The following OVOL2 variants were observed in gnomAD, a reference collection of about 807,000 sequenced individuals.
OVOL2 encodes ovo like zinc finger 2, also known as transcription factor Ovo-like 2.
OVOL2 carries 13 observed loss-of-function variants against 18.1 expected under a neutral mutation model. The ratio of observed to expected loss-of-function variants is 0.72; its 90% CI spans 0.47 to 1.14. The LOEUF (loss-of-function observed/expected upper bound fraction) is 1.14, where lower values mean the gene tolerates loss of function less well. Ranked by LOEUF, OVOL2 falls within the 50% of genes most tolerant of loss-of-function variation. OVOL2 has a pLI of 0.00. For synonymous variants in OVOL2, 166 were observed against 162.7 expected (o/e 1.02, Z -0.16); for missense variants, 335 against 383.0 (o/e 0.87, Z 1.05).
At chr20:18,045,555 C>T (rs1807879104) in intron 2 of OVOL2, among the ~76,000 whole-genome samples, 1 of 152,130 alleles carries the variant, frequency 6.6e-6, no homozygotes, top group Admixed American at 6.6e-5. Flanking sequence ...TTGAAGGGCA[C>T]AGGGAAGGGA....
chr20:18,038,053 C>G (rs1311352082), intron 3 of OVOL2, among the ~76,000 whole-genome samples: 1 of 152,214 alleles, frequency 6.6e-6, no homozygotes, highest in African/African-American at 2.4e-5. Flanking sequence ...AGAAGCCCCC[C>G]TGACATGCAG....
Position 18,056,675 on chromosome 20 carries a change from G to C in OVOL2, c.303C>G (p.Val101=). The C allele has an allele frequency of 7.0e-7, 1 of 1,430,882 alleles. No individual in the cohort carries two copies. The highest frequency in any genetic ancestry group is 9.1e-7 in the Non-Finnish European group (1 of 1,095,832). 88.6% of individuals were successfully genotyped at this position (1,430,882 alleles called of 1,614,324 possible). A position where few individuals can be genotyped will look rare whatever the true frequency, so the allele number is the denominator to read the frequency against. Residue 101 remains valine, a synonymous_variant, in exon 2 of 4, where the codon GTC becomes GTG. Coordinates refer to ENST00000278780, the MANE Select transcript of OVOL2 (RefSeq NM_021220.4). This position sits in a 1 kb window ranked among gnomAD's most constrained non-coding sequence, Gnocchi z 4.2. Reference sequence around the variant, plus strand: ...ACAGTACCTTGATTTTCGATCTGGCGACCGGGCGCTGCTTGGTCGCCAGGT... The same window carrying C: ...ACAGTACCTTGATTTTCGATCTGGCCACCGGGCGCTGCTTGGTCGCCAGGT... ...DGHLATKQRP[V]ARSKIKFTTG...
At position 18,024,689 on chromosome 20, in the gene OVOL2, T is replaced by A; in HGVS notation, c.775A>T (p.Thr259Ser). 1 of 1,614,082 alleles carries A rather than the reference T, an allele frequency of 6.2e-7. No individual in the cohort carries two copies. Among genetic ancestry groups the A allele is most frequent in the East Asian group, 2.2e-5 (1 of 44,890 alleles). Residue 259 changes from threonine (T) to serine (S), a missense_variant, in exon 4 of 4, where the codon ACA becomes TCA. Coordinates refer to ENST00000278780, the MANE Select transcript of OVOL2 (RefSeq NM_021220.4). ...CTGGTATTCTCCTGGTGTGCGGATG[T>A]CAGCTTGCCCTGCAGAAGGGCTGCC... ...KLAALLQGKL[T>S]SAHQENTSLS...
chr20:18,027,861 C>T (rs566688166), intron 3 of OVOL2, among the ~76,000 whole-genome samples: 67 of 152,260 alleles, frequency 4.4e-4, no homozygotes, highest in African/African-American at 1.4e-3. Context: ...TCCCAAAGTA[C>T]TGGGATTACA....
At chr20:18,039,392 C>T (rs528325630) in intron 3 of OVOL2, among the ~76,000 whole-genome samples, 79 of 151,946 alleles carry the variant, frequency 5.2e-4, no homozygotes, top group Non-Finnish European at 1.0e-3. Context: ...GAGGCCAAGG[C>T]GGGTGGATGG....
rs1289591689 is a variant in OVOL2 at position 18,030,099 on chromosome 20, G to C, written c.512-5147C>G. On this transcript the variant is annotated intron_variant, in intron 3 of 3. Coordinates refer to ENST00000278780, the MANE Select transcript of OVOL2 (RefSeq NM_021220.4). ...AACTCTGTTGGTTCCAGGAAAGAAA[G>C]GCCACATCTTTGGGACTAGTTTTCC... 1.3e-5 allele frequency among the ~76,000 whole-genome samples: 2 copies of C among 152,214 alleles called. 1 individual carries two copies. Among genetic ancestry groups the C allele is most frequent in the Non-Finnish European group, 2.9e-5 (2 of 68,034 alleles).
Position 18,043,526 on chromosome 20 carries a change from T to C in OVOL2, c.322-1803A>G, listed in dbSNP as rs535815696. On this transcript the variant is annotated intron_variant, in intron 2 of 3. Transcript: ENST00000278780. ...GGAGCCAGATATGAATAAAGCCTGA[T>C]TGGACTCTCCATCCCAACTCAGGGC... Among the ~76,000 whole-genome samples, 236 of 152,274 alleles carry C rather than the reference T, an allele frequency of 1.5e-3. 1 individual carries two copies. Among genetic ancestry groups the C allele is most frequent in the African/African-American group, 5.4e-3 (224 of 41,552 alleles).
intron 3 of OVOL2, among the ~76,000 whole-genome samples, chr20:18,028,756 G>T (rs998423205): frequency 6.6e-6 from 1 of 151,990 alleles, no homozygotes; most frequent in African/African-American, 2.4e-5. Flanking sequence ...TAGTGCCACC[G>T]CACTCCAGCC....
In OVOL2 at chr20:18,057,227, G is replaced by T. The variant is rs1470454958; in HGVS notation, c.100+308C>A. 6.6e-6 allele frequency among the ~76,000 whole-genome samples: 1 copy of T among 152,020 alleles called. No individual in the cohort carries two copies. Among genetic ancestry groups the T allele is most frequent in the Non-Finnish European group, 1.5e-5 (1 of 67,988 alleles). On this transcript the variant is annotated intron_variant, in intron 1 of 3. Transcript: ENST00000278780. The surrounding 1 kb of genome is among the most constrained non-coding windows in gnomAD (Gnocchi z 6.3). ...GCGAGCCTTTGTGCACCCCCATGAG[G>T]ACGTGAGATTGGGGGTAGCCTCTGC... is the stretch of plus-strand genomic sequence containing the variant.
chr20:18,029,112 T>C (rs1186787126), intron 3 of OVOL2, among the ~76,000 whole-genome samples: 6 of 152,126 alleles, frequency 3.9e-5, no homozygotes, highest in Non-Finnish European at 8.8e-5. Flanking sequence ...CTGCAACCTC[T>C]GCCTCCTGGG....
intron 2 of OVOL2, among the ~76,000 whole-genome samples, chr20:18,054,210 C>A (rs1033196600): frequency 1.3e-5 from 2 of 152,178 alleles, no homozygotes; most frequent in African/African-American, 4.8e-5. Context: ...GATAAGGAAA[C>A]CGAGGCTCAG....
chr20:18,031,212 C>T (rs1217634360), intron 3 of OVOL2, among the ~76,000 whole-genome samples: 2 of 152,104 alleles, frequency 1.3e-5, no homozygotes, highest in Admixed American at 6.5e-5. Context: ...TTAACTGAAA[C>T]GGGGGCGGCT....
intron 3 of OVOL2, among the ~76,000 whole-genome samples, chr20:18,029,182 A>G (rs1426569783): frequency 1.3e-5 from 2 of 152,056 alleles, no homozygotes; most frequent in Non-Finnish European, 2.9e-5. Flanking sequence ...GCCTGCTACA[A>G]TGTCCAGCTA....
chr20:18,033,365 G>A (rs1568633002), intron 3 of OVOL2, among the ~76,000 whole-genome samples: 1 of 152,186 alleles, frequency 6.6e-6, no homozygotes, highest in East Asian at 1.9e-4. Context: ...AATGGCATGA[G>A]CCCTGAACTG....
intron 2 of OVOL2, among the ~76,000 whole-genome samples, chr20:18,045,515 G>A (rs532044218): frequency 1.1e-4 from 17 of 152,106 alleles, no homozygotes; most frequent in East Asian, 3.8e-4. Flanking sequence ...TCAAATCGTC[G>A]GTATTATTTT....
rs1274276826 is a variant in OVOL2 at position 18,024,959 on chromosome 20, G to C, written c.512-7C>G. 2 of 1,605,018 alleles carry C rather than the reference G, an allele frequency of 1.2e-6. No individual in the cohort carries two copies. The highest frequency in any genetic ancestry group is 2.2e-5 in the East Asian group (1 of 44,676). On this transcript the variant is annotated splice_region_variant and splice_polypyrimidine_tract_variant and intron_variant, in intron 3 of 3. Coordinates refer to ENST00000278780, the MANE Select transcript of OVOL2 (RefSeq NM_021220.4). ...CATTTGTAGGGACGAATGCCTGAAA[G>C]GATGAGGGACAGACACAGCATCGGT... is the stretch of plus-strand genomic sequence containing the variant.
upstream of OVOL2, among the ~76,000 whole-genome samples, chr20:18,058,297 A>T (rs1002443154): frequency 3.3e-5 from 5 of 151,898 alleles, no homozygotes; most frequent in Admixed American, 3.3e-4. Context: ...GGGCTTGATG[A>T]AATCTGGGCG....
At chr20:18,055,778 C>G (rs2036816723) in intron 2 of OVOL2, among the ~76,000 whole-genome samples, 1 of 152,204 alleles carries the variant, frequency 6.6e-6, no homozygotes, top group Non-Finnish European at 1.5e-5. Flanking sequence ...CTAGGGGGTG[C>G]ACAGTGTAGC....
At position 18,056,589 on chromosome 20, in the gene OVOL2, C is replaced by A; in HGVS notation, c.321+68G>T. On this transcript the variant is annotated intron_variant, in intron 2 of 3. Coordinates refer to ENST00000278780, the MANE Select transcript of OVOL2 (RefSeq NM_021220.4). This position sits in a 1 kb window ranked among gnomAD's most constrained non-coding sequence, Gnocchi z 4.2. The stretch of plus-strand genomic sequence containing the variant: ...CGCAGGCGGGCGCGGCAGGGAGGGG[C>A]GCCGGCCTCGGGAGCCCGACGCCAG... The A allele has an allele frequency of 5.4e-6, 7 of 1,296,414 alleles. No homozygotes were observed. Among genetic ancestry groups the A allele is most frequent in the Non-Finnish European group, 6.9e-6 (7 of 1,020,498 alleles). 80.3% of individuals were successfully genotyped at this position (1,296,414 alleles called of 1,614,324 possible). A position where few individuals can be genotyped will look rare whatever the true frequency, so the allele number is the denominator to read the frequency against.
Sources: gnomAD v4.1 joint callset for allele counts (sites outside exome capture counted in the v4.1 genomes callset) on GRCh38, gnomAD v4.1.1 for gene constraint, Gnocchi (gnomAD v3.1) non-coding constraint, MANE v1.5 for transcripts, NCBI Gene and HGNC (gene_info 2026-07-23, HGNC 2026-07-21) for gene names.